MYO9A: variants seen among roughly 807,000 people sequenced by gnomAD.
MYO9A encodes the protein myosin IXA.
Under a neutral mutation model 293.3 loss-of-function variants are expected in MYO9A, and 103 were observed. That is an observed-to-expected ratio of 0.35 (90% CI 0.30 to 0.41). The LOEUF (loss-of-function observed/expected upper bound fraction) is 0.41, where lower values mean the gene tolerates loss of function less well. Among genes scored for constraint, MYO9A ranks in the 10% least tolerant of loss-of-function variants. The pLI is 1.00. For synonymous variants in MYO9A, 1,001 were observed against 1,035.7 expected, an observed-to-expected ratio of 0.97 and a Z score of 0.64; for missense variants, 2,685 against 3,033.0, an observed-to-expected ratio of 0.89 and a Z score of 2.69.
chr15:71,942,265 T>A (rs1596249495), intron 15 of MYO9A, among the ~76,000 whole-genome samples: 1 of 152,064 alleles, frequency 6.6e-6, no homozygotes, highest in African/African-American at 2.4e-5. Flanking sequence ...AACTGACTTA[T>A]AGTAATAAAT....
intron 11 of MYO9A, among the ~76,000 whole-genome samples, chr15:71,981,938 T>C (rs1242055116): frequency 1.3e-5 from 2 of 151,798 alleles, no homozygotes; most frequent in Non-Finnish European, 2.9e-5. Flanking sequence ...TTTCCCATAG[T>C]TTTAATATGT....
chr15:71,900,122 T>C, intron 23 of MYO9A, 116 bp from the exon 24 acceptor site: 1 of 1,078,032 alleles, frequency 9.3e-7, no homozygotes, highest in Non-Finnish European at 1.3e-6. Flanking sequence ...GCTATGCAGC[T>C]AAATTCTTGG....
chr15:71,906,371 T>C (rs1018553232), intron 19 of MYO9A, among the ~76,000 whole-genome samples: 3 of 152,202 alleles, frequency 2.0e-5, no homozygotes, highest in Non-Finnish European at 4.4e-5. Context: ...TCCTTCCTAA[T>C]TGCCTACTTA....
chr15:71,980,030 T>C (rs2076234935), intron 11 of MYO9A, among the ~76,000 whole-genome samples: 2 of 152,130 alleles, frequency 1.3e-5, no homozygotes, highest in African/African-American at 2.4e-5. Context: ...TCTTTTTTTT[T>C]AAGAGACAGG....
chr15:72,115,681 C>T (rs2080945396), intron 1 of MYO9A, among the ~76,000 whole-genome samples: 1 of 152,190 alleles, frequency 6.6e-6, no homozygotes, highest in Admixed American at 6.5e-5. Flanking sequence ...CAGTCCCCTG[C>T]TTTAAAATCC....
chr15:71,847,461 A>G (rs1256944453), intron 39 of MYO9A: 1 of 455,118 alleles, frequency 2.2e-6, no homozygotes, highest in East Asian at 7.0e-5. Context: ...TGCAATTAGT[A>G]CAGGTTTCTG....
intron 26 of MYO9A, chr15:71,893,166 C>T (rs757881664): frequency 1.0e-4 from 129 of 1,278,966 alleles, no homozygotes; most frequent in Admixed American, 2.5e-4. Context: ...TTTTATGGGC[C>T]GGTCTGGCAA....
chr15:72,045,859 G>C lies in MYO9A; in HGVS notation c.705C>G (p.Ile235Met). The C allele has an allele frequency of 6.2e-7, 1 of 1,614,082 alleles. No individual in the cohort carries two copies. The highest frequency in any genetic ancestry group is 8.5e-7 in the Non-Finnish European group (1 of 1,180,028). ...CAGAACCACTCTCTCCTGAAATCAC[G>C]ATGCACTGATTCTTTTTGCGCTGAA... Reference protein sequence around the residue: ...AMLQRKKNQCIVISGESGSGK... With the variant: ...AMLQRKKNQCMVISGESGSGK... Residue 235 changes from isoleucine (I) to methionine (M), a missense_variant, in exon 2 of 42, where the codon ATC becomes ATG. Physicochemically the swap from Ile to Met is conservative, Grantham distance 10. This residue lies in a region of MYO9A where 289 missense variants were observed against 456.8 expected (regional missense o/e 0.63). Coordinates refer to ENST00000356056, the MANE Select transcript of MYO9A (RefSeq NM_006901.4).
chr15:71,895,176 T>C (rs1035519031), intron 25 of MYO9A, among the ~76,000 whole-genome samples: 3 of 152,244 alleles, frequency 2.0e-5, no homozygotes, highest in Admixed American at 1.3e-4. Flanking sequence ...CTAGCAATCC[T>C]AGCTTGTTCT....
rs1383007911 is a variant in MYO9A at position 71,879,754 on chromosome 15, C to T, written c.5706G>A (p.Gln1902=). ...VFKKALKEFR[Q]NIFSFYSSAL... Reference sequence around the variant, plus strand: ...CAGATGAATAAAAGCTGAAGATATTCTGCCGAAATTCCTTCAGGGCTTTTT... The same window carrying T: ...CAGATGAATAAAAGCTGAAGATATTTTGCCGAAATTCCTTCAGGGCTTTTT... Residue 1902 remains glutamine (Q), a synonymous_variant, in exon 30 of 42, where the codon CAG becomes CAA. Coordinates refer to ENST00000356056, the MANE Select transcript of MYO9A (RefSeq NM_006901.4). The T allele has an allele frequency of 6.2e-7, 1 of 1,613,234 alleles. No individual in the cohort carries two copies. The highest frequency in any genetic ancestry group is 2.2e-5 in the East Asian group (1 of 44,870).
intron 11 of MYO9A, among the ~76,000 whole-genome samples, chr15:71,989,938 G>C (rs924876615): frequency 6.6e-6 from 1 of 151,886 alleles, no homozygotes; most frequent in Admixed American, 6.6e-5. Context: ...CTGAGGTGGG[G>C]GGACTCCTTA....
intron 1 of MYO9A, among the ~76,000 whole-genome samples, chr15:72,051,336 C>A (rs1283021535): frequency 1.3e-5 from 2 of 152,186 alleles, no homozygotes; most frequent in Non-Finnish European, 2.9e-5. Flanking sequence ...CAGGTGGGAA[C>A]CCTGCCACCT....
intron 1 of MYO9A, among the ~76,000 whole-genome samples, chr15:72,111,503 TAATA>T (rs1000063104): frequency 2.0e-5 from 3 of 150,870 alleles, no homozygotes; most frequent in Non-Finnish European, 4.4e-5. Context: ...AAAAAAAAAT[TAATA>T]AATAAAACAG....
chr15:71,841,810 G>A (rs916850326), intron 39 of MYO9A, among the ~76,000 whole-genome samples: 1 of 144,648 alleles, frequency 6.9e-6, no homozygotes, highest in Non-Finnish European at 1.5e-5. Context: ...TTTTTTTTTT[G>A]TTTTTTTTGT....
intron 6 of MYO9A, among the ~76,000 whole-genome samples, chr15:72,015,121 G>A (rs2077292920): frequency 6.6e-6 from 1 of 151,192 alleles, no homozygotes; most frequent in Non-Finnish European, 1.5e-5. Context: ...GGGATTACAA[G>A]CGTGACCCAC....
At chr15:71,920,799 T>A (rs2058136276) in intron 18 of MYO9A, among the ~76,000 whole-genome samples, 1 of 150,782 alleles carries the variant, frequency 6.6e-6, no homozygotes, top group African/African-American at 2.4e-5. Context: ...AAAAAAAAAA[T>A]AGCCGGGCAT....
chr15:71,880,586 G>T (rs2056844714), intron 28 of MYO9A, 28 bp from the exon 29 acceptor site: 15 of 1,567,504 alleles, frequency 9.6e-6, no homozygotes, highest in Non-Finnish European at 1.3e-5. Flanking sequence ...AGACCCAAAA[G>T]GACACATTTA....
intron 1 of MYO9A, among the ~76,000 whole-genome samples, chr15:72,098,904 A>G (rs2080157942): frequency 6.6e-6 from 1 of 152,172 alleles, no homozygotes. Flanking sequence ...AAGTAGAGAG[A>G]AAACAAAATA....
rs755413495 is a variant in MYO9A at position 72,010,402 on chromosome 15, G to A, written c.1201C>T (p.Arg401Cys). The change falls in exon 7 of 42, where the codon CGC (arginine) becomes TGC (cysteine). Residue 401 changes from arginine (R) to cysteine (C), a missense_variant. Physicochemically the swap from Arg to Cys is radical, Grantham distance 180 (BLOSUM62 -3). Transcript: ENST00000356056. ...ACCATTTCCATGGCAAGTTGTAGGC[G>A]CTCAAAGTCATGTCTCAAATCTTCT... ...EGEDLRHDFE[R>C]LQLAMEMVGF... 1.9e-6 allele frequency: 3 copies of A among 1,613,334 alleles called. No homozygotes were observed. Among genetic ancestry groups the A allele is most frequent in the Non-Finnish European group, 2.5e-6 (3 of 1,179,548 alleles).
Sources: allele counts gnomAD v4.1 joint callset (sites outside exome capture counted in the v4.1 genomes callset), GRCh38; gene constraint gnomAD v4.1.1; regional missense constraint gnomAD v4.1.1; transcripts MANE v1.5; gene names NCBI Gene and HGNC (gene_info 2026-07-23, HGNC 2026-07-21).